Variants in GRM7 observed in about 807,000 individuals in gnomAD.
GRM7 encodes metabotropic glutamate receptor 7.
A neutral mutation model predicts 84.5 loss-of-function variants in GRM7; 35 were observed. The ratio of observed to expected loss-of-function variants is 0.41; its 90% CI spans 0.32 to 0.55. The LOEUF is 0.55. Ranked by LOEUF, GRM7 falls within the 20% of genes least tolerant of loss-of-function variation. The pLI is 0.19. For synonymous variants in GRM7, 487 were observed against 455.1 expected (o/e 1.07, Z -0.89); for missense variants, 1,003 against 1,194.6 (o/e 0.84, Z 2.36).
intron 2 of GRM7, among the ~76,000 whole-genome samples, chr3:7,218,680 T>C (rs1696695554): frequency 1.3e-5 from 2 of 152,072 alleles, no homozygotes; most frequent in Admixed American, 1.3e-4. Context: ...TTCCGATGTT[T>C]ATTAGCTACT....
chr3:7,468,682 T>C (rs1698562166), intron 7 of GRM7, among the ~76,000 whole-genome samples: 2 of 152,292 alleles, frequency 1.3e-5, no homozygotes, highest in East Asian at 1.9e-4. Context: ...AATACCCACA[T>C]GTCAAGGCAG....
At chr3:7,138,771 T>C (rs1333656505) in intron 1 of GRM7, among the ~76,000 whole-genome samples, 1 of 151,474 alleles carries the variant, frequency 6.6e-6, no homozygotes, top group Non-Finnish European at 1.5e-5. Context: ...TATATCTATA[T>C]GGTAAGCCTT....
intron 9 of GRM7, among the ~76,000 whole-genome samples, chr3:7,728,112 G>A (rs534954931): frequency 1.4e-4 from 21 of 152,238 alleles, no homozygotes; most frequent in African/African-American, 5.1e-4. Context: ...TGACTGTGAT[G>A]GCACACACGT....
In GRM7 at chr3:7,149,004, TTA is replaced by T. The variant is rs1440337528; in HGVS notation, c.736+2339_736+2340del. 2.0e-5 allele frequency among the ~76,000 whole-genome samples: 3 copies of T among 152,194 alleles called. No homozygotes were observed. The East Asian group carries it at 5.8e-4, about 29-fold the overall frequency. ...TAAGTATTTAATAAGTATTCTTCTT[TTA>T]TACATATTATAGTATTTGGCATGTA... is the stretch of plus-strand genomic sequence containing the variant. On this transcript the variant is annotated intron_variant, in intron 2 of 9. Coordinates refer to ENST00000357716, the MANE Select transcript of GRM7 (RefSeq NM_000844.4).
At chr3:6,974,247 G>A (rs1207342904) in intron 1 of GRM7, among the ~76,000 whole-genome samples, 1 of 152,112 alleles carries the variant, frequency 6.6e-6, no homozygotes, top group Non-Finnish European at 1.5e-5. Flanking sequence ...GCCAGTGGGG[G>A]TAGCAACTGG....
At chr3:7,421,973 C>A (rs936739402) in intron 5 of GRM7, among the ~76,000 whole-genome samples, 1 of 150,462 alleles carries the variant, frequency 6.6e-6, no homozygotes, top group Non-Finnish European at 1.5e-5. Flanking sequence ...ATCTGTGGTC[C>A]CAGCTGCTTA....
chr3:7,479,529 A>G (rs1699049094), intron 7 of GRM7, among the ~76,000 whole-genome samples: 2 of 152,156 alleles, frequency 1.3e-5, no homozygotes, highest in Admixed American at 6.5e-5. Flanking sequence ...AAAGTATCCA[A>G]AGGAGCCTGC....
chr3:7,025,896 T>A (rs1422908962), intron 1 of GRM7, among the ~76,000 whole-genome samples: 5 of 152,124 alleles, frequency 3.3e-5, no homozygotes, highest in Admixed American at 6.6e-5. Context: ...GTGTCTGGCA[T>A]CAGAAGTAAT....
At chr3:7,634,685 T>G (rs1698001224) in intron 8 of GRM7, among the ~76,000 whole-genome samples, 3 of 151,258 alleles carry the variant, frequency 2.0e-5, no homozygotes, top group Admixed American at 2.0e-4. Context: ...TCCAAGCTAC[T>G]CGGGAGGCTG....
chr3:7,450,091 A>G (rs1161872672), intron 5 of GRM7, among the ~76,000 whole-genome samples: 5 of 145,748 alleles, frequency 3.4e-5, no homozygotes, highest in African/African-American at 1.3e-4. Flanking sequence ...ATTTAAAAAG[A>G]GAAGAGAATG....
rs537233771 is a variant in GRM7, at chr3:7,740,279, G to T, written c.2699-78G>T. 2.2e-5 allele frequency: 21 copies of T among 942,672 alleles called. No homozygotes were observed. In the East Asian group the frequency reaches 5.2e-4, roughly 23 times the overall value. 58.4% of individuals were successfully genotyped at this position (942,672 alleles called of 1,614,324 possible). A position where few individuals can be genotyped will look rare whatever the true frequency, so the allele number is the denominator to read the frequency against. On this transcript the variant is annotated intron_variant, in intron 9 of 9. Coordinates refer to ENST00000357716, the MANE Select transcript of GRM7 (RefSeq NM_000844.4). ...ACCTCACTTTGACTTTGCACCTCAA[G>T]TGAAAAGTTCTAATTCTATTTCTAC...
chr3:7,540,939 A>C (rs536103579), intron 7 of GRM7, among the ~76,000 whole-genome samples: 46 of 152,306 alleles, frequency 3.0e-4, no homozygotes, highest in African/African-American at 1.0e-3. Context: ...TATTCATTAG[A>C]AGAAAAAGCA....
chr3:7,173,050 A>C (rs1373206788), intron 2 of GRM7, among the ~76,000 whole-genome samples: 2 of 152,170 alleles, frequency 1.3e-5, no homozygotes, highest in Non-Finnish European at 2.9e-5. Flanking sequence ...GGTAAGTACT[A>C]TTAATTTCTC....
intron 7 of GRM7, among the ~76,000 whole-genome samples, chr3:7,549,987 C>CCTTT (rs1693368324): frequency 1.3e-5 from 2 of 152,170 alleles, no homozygotes; most frequent in African/African-American, 4.8e-5. Flanking sequence ...ATATATCCTT[C>CCTTT]CAGTTTCTTT....
At chr3:7,179,375 T>C in intron 2 of GRM7, among the ~76,000 whole-genome samples, 1 of 152,376 alleles carries the variant, frequency 6.6e-6, no homozygotes, top group African/African-American at 2.4e-5. Flanking sequence ...ACTCTACTAC[T>C]GCACATCTGT....
intron 1 of GRM7, among the ~76,000 whole-genome samples, chr3:6,965,834 G>A (rs1486507333): frequency 6.6e-6 from 1 of 152,164 alleles, no homozygotes; most frequent in Non-Finnish European, 1.5e-5. Flanking sequence ...CATCTGAGTG[G>A]TGCTATTGAG....
chr3:7,080,951 G>A (rs9311976), intron 1 of GRM7, among the ~76,000 whole-genome samples: 48,715 of 151,750 alleles, frequency 0.32, 8,239 homozygotes, highest in African/African-American at 0.43. Flanking sequence ...GTAAGAAACA[G>A]CATAGGCTTC....
rs570801126 is a variant in GRM7 at position 7,443,416 on chromosome 3, T to G, written c.1175-9191T>G. ...GTCTCTCCCTTCTCTCATAAATGTC[T>G]TTATAAAATTTTTTTTTTCACATCA... is the stretch of plus-strand genomic sequence containing the variant. On this transcript the variant is annotated intron_variant, in intron 5 of 9. Transcript: ENST00000357716. 3.8e-4 allele frequency among the ~76,000 whole-genome samples: 58 copies of G among 152,274 alleles called. 2 individuals are homozygous for G. In the South Asian group the frequency reaches 0.012, roughly 32 times the overall value.
At chr3:7,115,184 T>C (rs190447859) in intron 1 of GRM7, among the ~76,000 whole-genome samples, 1 of 152,268 alleles carries the variant, frequency 6.6e-6, no homozygotes, top group African/African-American at 2.4e-5. Context: ...AATCTAATGA[T>C]TTTAGATTCC....
Sources: allele counts gnomAD v4.1 joint callset (sites outside exome capture counted in the v4.1 genomes callset), GRCh38; gene constraint gnomAD v4.1.1; transcripts MANE v1.5; gene names NCBI Gene and HGNC (gene_info 2026-07-23, HGNC 2026-07-21).